The following KAT2A variants were observed in gnomAD, a reference collection of about 807,000 sequenced individuals.
KAT2A encodes lysine acetyltransferase 2A.
A neutral mutation model predicts 95.2 loss-of-function variants in KAT2A; 42 were observed. The observed-to-expected ratio is 0.44, with a 90% CI of 0.34 to 0.57. The LOEUF (loss-of-function observed/expected upper bound fraction) is 0.57, where lower values mean the gene tolerates loss of function less well. Ranked by LOEUF, KAT2A falls within the 20% of genes least tolerant of loss-of-function variation. The probability of loss-of-function intolerance (pLI) is 0.01; values close to 1 mark genes in which losing one functional copy is unlikely to be tolerated. For missense variants in KAT2A, 784 were observed against 1,126.3 expected, an observed-to-expected ratio of 0.70 and a Z score of 4.35; for synonymous variants, 449 against 448.2, an observed-to-expected ratio of 1.00 and a Z score of -0.02.
At position 42,114,080 on chromosome 17, in the gene KAT2A, T is replaced by C; in HGVS notation, c.2240A>G (p.His747Arg). ...CTCCATGAAGGGCCAGGCACTGGGG[T>C]GAGACTGGAGAGAAGAGCCGGGCTG... is the stretch of plus-strand genomic sequence containing the variant. ...LKNLLAQIKSHPSAWPFMEPV... is the reference protein window; with the variant it reads ...LKNLLAQIKSRPSAWPFMEPV... Residue 747 changes from histidine to arginine, a missense_variant, in exon 17 of 18, where the codon CAC becomes CGC. Coordinates refer to ENST00000225916, the MANE Select transcript of KAT2A (RefSeq NM_021078.3). This position sits in a 1 kb window ranked among gnomAD's most constrained non-coding sequence, Gnocchi z 6.0. 1 of 1,541,926 alleles carries C rather than the reference T, an allele frequency of 6.5e-7. No individual in the cohort carries two copies. Among genetic ancestry groups the C allele is most frequent in the Non-Finnish European group, 8.7e-7 (1 of 1,149,920 alleles).
At chr17:42,113,943 C>T (rs2144026265) in intron 17 of KAT2A, 57 bp downstream of exon 17, 1 of 1,481,154 alleles carries the variant, frequency 6.8e-7, no homozygotes, top group East Asian at 2.5e-5. Context: ...GCAGTGAGGG[C>T]AGGAGCAGGT....
At chr17:42,120,463 G>A in intron 2 of KAT2A, 93 bp from the exon 3 acceptor site, 2 of 1,396,662 alleles carry the variant, frequency 1.4e-6, no homozygotes, top group Non-Finnish European at 1.0e-6. Context: ...TACACACTCT[G>A]TTCCTCCAAC....
In KAT2A at chr17:42,115,002, G is replaced by C; in HGVS notation, c.1909C>G (p.Arg637Gly). The C allele has an allele frequency of 6.2e-7, 1 of 1,613,982 alleles. No individual in the cohort carries two copies. The highest frequency in any genetic ancestry group is 8.5e-7 in the Non-Finnish European group (1 of 1,179,966). The change falls in exon 13 of 18, where the codon CGC becomes GGC. Residue 637 changes from arginine to glycine, a missense_variant. Physicochemically the swap from Arg to Gly is moderately radical, Grantham distance 125 (BLOSUM62 -2). This residue lies in a region of KAT2A where 174 missense variants were observed against 324.9 expected (regional missense o/e 0.54). Transcript: ENST00000225916. ...TAGTCCTTGATGTAGCCCAGGTAGC[G>C]GCTCTTGGGCACCTTGATGTCCTTG... Reference protein sequence around the residue: ...FSKDIKVPKSRYLGYIKDYEG... With the variant: ...FSKDIKVPKSGYLGYIKDYEG...
At position 42,114,215 on chromosome 17, in the gene KAT2A, C is replaced by G; in HGVS notation, c.2235+4G>C. The G allele has an allele frequency of 6.3e-7, 1 of 1,595,296 alleles. No individual in the cohort carries two copies. The highest frequency in any genetic ancestry group is 8.5e-7 in the Non-Finnish European group (1 of 1,169,642). ...GCCCTGGAAAGGAAACCTGGTCTCC[C>G]CACCTTGATTTGGGCCAGCAGGTTT... On this transcript the variant is annotated splice_donor_region_variant and intron_variant, in intron 16 of 17. Coordinates refer to ENST00000225916, the MANE Select transcript of KAT2A (RefSeq NM_021078.3). The surrounding 1 kb of genome is among the most constrained non-coding windows in gnomAD (Gnocchi z 6.0).
Position 42,114,874 on chromosome 17 carries a change from C to T in KAT2A, c.2019+18G>A, listed in dbSNP as rs914502057. On this transcript the variant is annotated intron_variant, in intron 13 of 17. Transcript: ENST00000225916. The surrounding 1 kb of genome is among the most constrained non-coding windows in gnomAD (Gnocchi z 6.0). ...CCATTCATGAAAAATCCCACAGATG[C>T]GCATGTGTGCACACCACCTCTTTCT... 4 of 1,612,980 alleles carry T rather than the reference C, an allele frequency of 2.5e-6. No individual in the cohort carries two copies. The highest frequency in any genetic ancestry group is 3.4e-6 in the Non-Finnish European group (4 of 1,179,384).
Position 42,119,828 on chromosome 17 carries a change from C to T in KAT2A, c.700-110G>A. The T allele has an allele frequency of 9.5e-7, 1 of 1,056,106 alleles. No individual in the cohort carries two copies. Among genetic ancestry groups the T allele is most frequent in the South Asian group, 1.6e-5 (1 of 62,646 alleles). The allele number at this position is 1,056,106 out of a possible 1,614,324, so 65.4% of individuals were successfully genotyped here. A position where few individuals can be genotyped will look rare whatever the true frequency, so the allele number is the denominator to read the frequency against. On this transcript the variant is annotated intron_variant, in intron 4 of 17. Transcript: ENST00000225916. The surrounding 1 kb of genome is among the most constrained non-coding windows in gnomAD (Gnocchi z 5.3). Reference sequence around the variant, plus strand: ...TGGCCAGGGACAAGGTTCTCCTTCTCCTCTCTCTCTCGGGTGCTCTCTATA... The same window carrying T: ...TGGCCAGGGACAAGGTTCTCCTTCTTCTCTCTCTCTCGGGTGCTCTCTATA...
chr17:42,117,978 A>C lies in KAT2A; in HGVS notation c.1220T>G (p.Phe407Cys). 1 of 1,607,756 alleles carries C rather than the reference A, an allele frequency of 6.2e-7. No homozygotes were observed. Among genetic ancestry groups the C allele is most frequent in the Non-Finnish European group, 8.5e-7 (1 of 1,175,916 alleles). ...GCTGCCCCCACCCATGCTGGGGCTG[A>C]AGATGGGGGTGCTGGGAACAACCGC... ...SAAVVPSTPIFSPSMGGGSNS... is the reference protein window; with the variant it reads ...SAAVVPSTPICSPSMGGGSNS... Residue 407 changes from phenylalanine to cysteine, a missense_variant, in exon 8 of 18, where the codon TTC becomes TGC. This residue lies in a region of KAT2A where 63 missense variants were observed against 70.1 expected (regional missense o/e 0.90). Transcript: ENST00000225916. This position sits in a 1 kb window ranked among gnomAD's most constrained non-coding sequence, Gnocchi z 8.9.
At position 42,120,025 on chromosome 17, in the gene KAT2A, C is replaced by T. The variant is rs1555666952; in HGVS notation, c.699+5G>A. 1 of 1,611,768 alleles carries T rather than the reference C, an allele frequency of 6.2e-7. No individual in the cohort carries two copies. Among genetic ancestry groups the T allele is most frequent in the Non-Finnish European group, 8.5e-7 (1 of 1,178,106 alleles). ...TATCCGCTATCTCCAATTCCCCTAT[C>T]TCACCTGCTCAATATTAGGTTTCTC... On this transcript the variant is annotated splice_donor_5th_base_variant and intron_variant, in intron 4 of 17. Transcript: ENST00000225916.
chr17:42,113,832 G>A lies in KAT2A; in HGVS notation c.2331C>T (p.Thr777=), dbSNP rs1555665251. 3.2e-6 allele frequency: 5 copies of A among 1,585,566 alleles called. No homozygotes were observed. The highest frequency in any genetic ancestry group is 1.8e-4 in the Middle Eastern group (1 of 5,618). The change falls in exon 18 of 18, where the codon ACC becomes ACT. Residue 777 remains threonine, a synonymous_variant. Coordinates refer to ENST00000225916, the MANE Select transcript of KAT2A (RefSeq NM_021078.3). The stretch of plus-strand genomic sequence containing the variant: ...AGCGGCTTCGCAGCCGCTCAGTCAT[G>A]GTCTTCAGGTCTGGGGCAGCAGGAG... The part of the protein sequence containing the change: ...EVIRFPIDLK[T]MTERLRSRYY...
intron 3 of KAT2A, 30 bp from the exon 4 acceptor site, chr17:42,120,149 G>T (rs1220437020): frequency 2.1e-5 from 34 of 1,613,390 alleles, no homozygotes; most frequent in Non-Finnish European, 2.8e-5. Flanking sequence ...GGCATAGAGG[G>T]GAGGGGGGCA....
intron 12 of KAT2A, 138 bp downstream of exon 12, chr17:42,115,585 T>C (rs2054246378): frequency 4.5e-6 from 3 of 663,454 alleles, no homozygotes; most frequent in South Asian, 1.7e-5. Flanking sequence ...GGAAAGAAGA[T>C]AGGCATGGAG....
chr17:42,113,483 G>C lies in KAT2A; in HGVS notation c.*166C>G, dbSNP rs1004669117. 1.5e-5 allele frequency: 9 copies of C among 600,638 alleles called. No individual in the cohort carries two copies. The highest frequency in any genetic ancestry group is 3.1e-5 in the East Asian group (1 of 32,334). The allele number at this position is 600,638 out of a possible 1,614,324, so 37.2% of individuals were successfully genotyped here. On this transcript the variant is annotated 3_prime_UTR_variant, in exon 18 of 18. Transcript: ENST00000225916. ...AAGGCTGGGACAGAGCTGCACGCTTGGGGGTGCCTGAAGGTCCAGAAAGAG... is the reference window on the plus strand; with the variant it reads ...AAGGCTGGGACAGAGCTGCACGCTTCGGGGTGCCTGAAGGTCCAGAAAGAG...
At chr17:42,116,368 G>T (rs1334631115) in intron 11 of KAT2A, among the ~76,000 whole-genome samples, 1 of 152,212 alleles carries the variant, frequency 6.6e-6, no homozygotes, top group Non-Finnish European at 1.5e-5. Flanking sequence ...CCCTACGAGT[G>T]GGTCTGTTGT....
At chr17:42,115,894 C>T (rs2054251322) in intron 11 of KAT2A, 61 bp from the exon 12 acceptor site, 1 of 930,928 alleles carries the variant, frequency 1.1e-6, no homozygotes, top group African/African-American at 1.6e-5. Flanking sequence ...CTGGAGAGGT[C>T]TCAGAGACCA....
Position 42,113,582 on chromosome 17 carries a change from C to A in KAT2A, c.*67G>T. Reference sequence around the variant, plus strand: ...GTCGGGTCCGTGGGGCCAGGGCACCCCCTAAGGATCAGATCAGAATCCGAG... The same window carrying A: ...GTCGGGTCCGTGGGGCCAGGGCACCACCTAAGGATCAGATCAGAATCCGAG... On this transcript the variant is annotated 3_prime_UTR_variant, in exon 18 of 18. Transcript: ENST00000225916. The A allele has an allele frequency of 6.7e-7, 1 of 1,484,950 alleles. No individual in the cohort carries two copies. Among genetic ancestry groups the A allele is most frequent in the South Asian group, 1.2e-5 (1 of 82,466 alleles). The allele number at this position is 1,484,950 out of a possible 1,614,324, so 92.0% of individuals were successfully genotyped here.
chr17:42,115,016 T>C lies in KAT2A; in HGVS notation c.1895A>G (p.Lys632Arg), dbSNP rs1406796121. Reference protein sequence around the residue: ...FKKQGFSKDIKVPKSRYLGYI... With the variant: ...FKKQGFSKDIRVPKSRYLGYI... ...GCCCAGGTAGCGGCTCTTGGGCACC[T>C]TGATGTCCTTGGAGAAACCCTGGGG... The change falls in exon 13 of 18, where the codon AAG (lysine) becomes AGG (arginine). Residue 632 changes from lysine to arginine, a missense_variant. By Grantham distance (26) the Lys-to-Arg change is conservative. This residue lies in a region of KAT2A where 174 missense variants were observed against 324.9 expected (regional missense o/e 0.54). Coordinates refer to ENST00000225916, the MANE Select transcript of KAT2A (RefSeq NM_021078.3). 6.2e-7 allele frequency: 1 copy of C among 1,613,938 alleles called. No homozygotes were observed.
intron 3 of KAT2A, 51 bp from the exon 4 acceptor site, chr17:42,120,170 C>A (rs1555667006): frequency 1.2e-6 from 2 of 1,613,624 alleles, no homozygotes; most frequent in Non-Finnish European, 1.7e-6. Flanking sequence ...GAGCTGCAGA[C>A]AACCCCTCAA....
Position 42,119,696 on chromosome 17 carries a change from T to C in KAT2A, c.722A>G (p.Tyr241Cys), listed in dbSNP as rs2054308654. 6.2e-7 allele frequency: 1 copy of C among 1,610,164 alleles called. No homozygotes were observed. Among genetic ancestry groups the C allele is most frequent in the Admixed American group, 1.7e-5 (1 of 59,342 alleles). ...IEQGVLNFVQ[Y>C]KFSHLAPRER... Reference sequence around the variant, plus strand: ...CCGGGGAGCCAGGTGACTAAACTTGTACTGCACAAAGTTCAGCACACCCTG... The same window carrying C: ...CCGGGGAGCCAGGTGACTAAACTTGCACTGCACAAAGTTCAGCACACCCTG... The change falls in exon 5 of 18, where the codon TAC (tyrosine) becomes TGC (cysteine). Residue 241 changes from tyrosine to cysteine, a missense_variant. Physicochemically the swap from Tyr to Cys is radical, Grantham distance 194. Around this residue, in one of 6 missense-constraint regions of KAT2A, gnomAD observed 208 missense variants for 339.7 expected, o/e 0.61. Coordinates refer to ENST00000225916, the MANE Select transcript of KAT2A (RefSeq NM_021078.3). This position sits in a 1 kb window ranked among gnomAD's most constrained non-coding sequence, Gnocchi z 5.3.
At chr17:42,120,624 G>A in intron 2 of KAT2A, 82 bp downstream of exon 2, 2 of 1,576,712 alleles carry the variant, frequency 1.3e-6, no homozygotes, top group Admixed American at 3.4e-5. Flanking sequence ...TTTTTTCAGA[G>A]ATGAAGCTTT....
Sources: gnomAD v4.1 joint callset for allele counts (sites outside exome capture counted in the v4.1 genomes callset) on GRCh38, gnomAD v4.1.1 for gene constraint, gnomAD v4.1.1 regional missense constraint, Gnocchi (gnomAD v3.1) non-coding constraint, MANE v1.5 for transcripts, NCBI Gene and HGNC (gene_info 2026-07-23, HGNC 2026-07-21) for gene names.